Variants in DDAH1 observed in about 807,000 individuals in gnomAD.
The protein encoded by DDAH1 is dimethylarginine dimethylaminohydrolase 1, also known as N(G),N(G)-dimethylarginine dimethylaminohydrolase 1.
In DDAH1, 19 loss-of-function variants were observed where a neutral mutation model predicts 28.8. The ratio of observed to expected loss-of-function variants is 0.66; its 90% CI spans 0.46 to 0.97. The LOEUF (loss-of-function observed/expected upper bound fraction) is 0.97. Ranked by LOEUF, DDAH1 falls within the 50% of genes least tolerant of loss-of-function variation. The pLI, the probability that DDAH1 is intolerant of heterozygous loss-of-function variation, is 0.00. For missense variants in DDAH1, 326 were observed against 375.9 expected, an observed-to-expected ratio of 0.87 and a Z score of 1.10; for synonymous variants, 153 against 154.4, an observed-to-expected ratio of 0.99 and a Z score of 0.07.
At chr1:85,436,042 C>T (rs368789305) in intron 1 of DDAH1, among the ~76,000 whole-genome samples, 69 of 151,888 alleles carry the variant, frequency 4.5e-4, no homozygotes, top group South Asian at 4.2e-3. Flanking sequence ...CTCAAGTGAT[C>T]TGCCCACATC....
chr1:85,367,013 T>C (rs1650112785), intron 1 of DDAH1, among the ~76,000 whole-genome samples: 1 of 152,154 alleles, frequency 6.6e-6, no homozygotes, highest in East Asian at 1.9e-4. Flanking sequence ...TTCTTATTTA[T>C]ATTCACATGC....
chr1:85,576,167 T>C (rs191400070), intron 1 of DDAH1, among the ~76,000 whole-genome samples: 2 of 152,062 alleles, frequency 1.3e-5, no homozygotes, highest in African/African-American at 4.8e-5. Context: ...AATCAATATA[T>C]AGAAGGCATT....
intron 1 of DDAH1, among the ~76,000 whole-genome samples, chr1:85,499,373 G>C (rs1036481822): frequency 6.6e-6 from 1 of 152,072 alleles, no homozygotes; most frequent in African/African-American, 2.4e-5. Context: ...ATTTAGCAAT[G>C]ATAAAAAGAA....
At chr1:85,453,450 G>A (rs773800726) in intron 1 of DDAH1, among the ~76,000 whole-genome samples, 13 of 152,074 alleles carry the variant, frequency 8.5e-5, no homozygotes, top group Non-Finnish European at 1.6e-4. Flanking sequence ...GCCACACACT[G>A]TTTGCCTCTA....
At chr1:85,420,855 T>C (rs560436588) in intron 1 of DDAH1, among the ~76,000 whole-genome samples, 10 of 152,340 alleles carry the variant, frequency 6.6e-5, no homozygotes, top group African/African-American at 2.2e-4. Flanking sequence ...CCCACATTGC[T>C]ATAAAGAAAT....
chr1:85,400,171 T>C (rs1652001169), intron 1 of DDAH1, among the ~76,000 whole-genome samples: 2 of 38,006 alleles, frequency 5.3e-5, no homozygotes, highest in South Asian at 6.6e-4. Context: ...TCCTTTCTTT[T>C]CTTTTCTTTT....
At chr1:85,481,915 G>A (rs750195327) in intron 2 of DDAH1, among the ~76,000 whole-genome samples, 1 of 152,176 alleles carries the variant, frequency 6.6e-6, no homozygotes, top group Non-Finnish European at 1.5e-5. Context: ...GGCCAGCTTG[G>A]CCTAAGAGCT....
chr1:85,340,818 T>C (rs756695741), intron 4 of DDAH1, among the ~76,000 whole-genome samples: 26 of 152,182 alleles, frequency 1.7e-4, no homozygotes, highest in Non-Finnish European at 3.1e-4. Flanking sequence ...CCCGATTTCA[T>C]TGGCCAAGAT....
chr1:85,413,116 C>A (rs1207137394), intron 1 of DDAH1, among the ~76,000 whole-genome samples: 1 of 152,234 alleles, frequency 6.6e-6, no homozygotes, highest in Non-Finnish European at 1.5e-5. Context: ...CAGGCTGCTA[C>A]ATGACTATTA....
intron 1 of DDAH1, among the ~76,000 whole-genome samples, chr1:85,406,761 G>A (rs1008407661): frequency 6.6e-6 from 1 of 151,964 alleles, no homozygotes; most frequent in East Asian, 1.9e-4. Flanking sequence ...ATTACATATA[G>A]AGAACAGAAT....
chr1:85,521,068 CACAG>C (rs1363659913), intron 1 of DDAH1, among the ~76,000 whole-genome samples: 1 of 152,210 alleles, frequency 6.6e-6, no homozygotes. Flanking sequence ...AATAGATCGA[CACAG>C]ACAAATATCC....
intron 1 of DDAH1, among the ~76,000 whole-genome samples, chr1:85,537,800 A>G (rs1322741745): frequency 6.6e-6 from 1 of 151,388 alleles, no homozygotes; most frequent in African/African-American, 2.4e-5. Flanking sequence ...GCATATTTTA[A>G]TTGTTCTCAT....
At chr1:85,430,820 A>G (rs1327771626) in intron 1 of DDAH1, among the ~76,000 whole-genome samples, 2 of 152,286 alleles carry the variant, frequency 1.3e-5, no homozygotes, top group African/African-American at 4.8e-5. Flanking sequence ...CTAAATATAC[A>G]ATCATGTCAT....
intron 1 of DDAH1, among the ~76,000 whole-genome samples, chr1:85,427,271 T>TAA (rs58534051): frequency 0.039 from 5,545 of 142,030 alleles, 377 homozygotes; most frequent in African/African-American, 0.14. Context: ...CCAAGTGAGC[T>TAA]AAAAAAAAAA....
chr1:85,466,386 G>A (rs951221431), upstream of DDAH1, among the ~76,000 whole-genome samples: 1 of 152,184 alleles, frequency 6.6e-6, no homozygotes, highest in African/African-American at 2.4e-5. Context: ...GAGTAGCTGG[G>A]ACTACAGGTG....
chr1:85,473,369 T>A (rs1655683479), intron 2 of DDAH1, among the ~76,000 whole-genome samples: 1 of 152,136 alleles, frequency 6.6e-6, no homozygotes, highest in East Asian at 1.9e-4. Flanking sequence ...CAATATATAT[T>A]TATGGGGAAG....
intron 1 of DDAH1, among the ~76,000 whole-genome samples, chr1:85,519,088 C>CT (rs71075842): frequency 0.22 from 15,013 of 69,142 alleles, 2,491 homozygotes; most frequent in Non-Finnish European, 0.28. Flanking sequence ...AAAGACGGAT[C>CT]TTTTTTTTTT....
At chr1:85,327,135 C>T (rs191421920) in intron 4 of DDAH1, among the ~76,000 whole-genome samples, 106 of 152,152 alleles carry the variant, frequency 7.0e-4, no homozygotes, top group Non-Finnish European at 1.3e-3. Flanking sequence ...CGCCTGAGCC[C>T]GGGAGTTTGA....
intron 1 of DDAH1, among the ~76,000 whole-genome samples, chr1:85,436,173 AG>A (rs546077630): frequency 4.6e-5 from 7 of 152,160 alleles, no homozygotes; most frequent in Non-Finnish European, 8.8e-5. Context: ...AGGTGAAAAA[AG>A]GTCTCCTTAA....
Sources: gnomAD v4.1 joint callset for allele counts (sites outside exome capture counted in the v4.1 genomes callset) on GRCh38, gnomAD v4.1.1 for gene constraint, MANE v1.5 for transcripts, NCBI Gene and HGNC (gene_info 2026-07-23, HGNC 2026-07-21) for gene names.